Variants in PDE11A observed in about 807,000 individuals in gnomAD.
PDE11A encodes the protein dual 3',5'-cyclic-AMP and -GMP phosphodiesterase 11A.
In PDE11A, 100 loss-of-function variants were observed where a neutral mutation model predicts 100.5. The observed-to-expected ratio is 1.00, with a 90% CI of 0.85 to 1.18. PDE11A has a LOEUF of 1.18. PDE11A is among the 50% of genes most tolerant of loss of function. The pLI is 0.00. For synonymous variants in PDE11A, 381 were observed against 420.8 expected, an observed-to-expected ratio of 0.91 and a Z score of 1.16; for missense variants, 1,141 against 1,152.6, an observed-to-expected ratio of 0.99 and a Z score of 0.15.
At chr2:177,723,676 C>T (rs1188568715) in intron 12 of PDE11A, among the ~76,000 whole-genome samples, 1 of 152,040 alleles carries the variant, frequency 6.6e-6, no homozygotes, top group African/African-American at 2.4e-5. Context: ...TTCACTCATT[C>T]AATTAATCTT....
chr2:177,877,199 C>G (rs2084254352), intron 4 of PDE11A, among the ~76,000 whole-genome samples: 1 of 144,904 alleles, frequency 6.9e-6, no homozygotes, highest in East Asian at 1.9e-4. Flanking sequence ...GGTTCTCACT[C>G]TGTCGCACAG....
intron 12 of PDE11A, among the ~76,000 whole-genome samples, chr2:177,718,368 G>A (rs2081474550): frequency 1.3e-5 from 2 of 152,334 alleles, no homozygotes; most frequent in South Asian, 4.1e-4. Flanking sequence ...CTAAGTTGAG[G>A]TGTGGGTTCA....
chr2:177,904,880 C>T (rs951205805), intron 3 of PDE11A, among the ~76,000 whole-genome samples: 1 of 152,074 alleles, frequency 6.6e-6, no homozygotes, highest in Non-Finnish European at 1.5e-5. Context: ...GAAGCTTGTA[C>T]CCCTTCCCCC....
At chr2:177,656,526 GCTTA>G (rs10558072) in intron 19 of PDE11A, among the ~76,000 whole-genome samples, 5,238 of 152,278 alleles carry the variant, frequency 0.034, 301 homozygotes, top group African/African-American at 0.12. Flanking sequence ...GACATTATAA[GCTTA>G]CTTCATACAT....
chr2:177,813,832 C>G (rs6710818), intron 9 of PDE11A, among the ~76,000 whole-genome samples: 1 of 149,424 alleles, frequency 6.7e-6, no homozygotes, highest in Non-Finnish European at 1.5e-5. Flanking sequence ...TGTTGCTAAC[C>G]GGAAAAAAAA....
chr2:177,963,305 A>G (rs147527428), intron 2 of PDE11A, among the ~76,000 whole-genome samples: 1 of 152,308 alleles, frequency 6.6e-6, no homozygotes, highest in East Asian at 1.9e-4. Context: ...AACATCAACC[A>G]GAAACAGACC....
At chr2:178,010,895 A>C (rs73972662) in intron 2 of PDE11A, among the ~76,000 whole-genome samples, 3,831 of 152,326 alleles carry the variant, frequency 0.025, 149 homozygotes, top group African/African-American at 0.087. Context: ...CTTATAAAGA[A>C]ATATATTCCC....
intron 5 of PDE11A, among the ~76,000 whole-genome samples, chr2:177,845,520 G>A (rs1232736921): frequency 3.3e-5 from 5 of 151,700 alleles, no homozygotes; most frequent in South Asian, 2.1e-4. Flanking sequence ...GATGGCGGCC[G>A]GGCGGAGACG....
intron 4 of PDE11A, among the ~76,000 whole-genome samples, chr2:177,884,875 A>G (rs779469069): frequency 2.2e-4 from 33 of 152,216 alleles, no homozygotes; most frequent in Non-Finnish European, 2.9e-4. Context: ...GCAACAGATC[A>G]TAGACACAAG....
At position 177,629,465 on chromosome 2, in the gene PDE11A, G is replaced by A. The variant is rs201797877; in HGVS notation, c.2744C>T (p.Ala915Val). ...WEELHQKRLL[A>V]STASSSPASV... ...GGCAGGGGAGGATGAGGCAGTTGAG[G>A]CCAGCAGTCGTTTTTGGTGTAGCTC... Residue 915 changes from alanine (A) to valine (V), a missense_variant, in exon 20 of 20, where the codon GCC becomes GTC. By Grantham distance (64) the Ala-to-Val change is moderately conservative. Transcript: ENST00000286063. 15 of 1,613,902 alleles carry A rather than the reference G, an allele frequency of 9.3e-6. No homozygotes were observed. The highest frequency in any genetic ancestry group is 1.2e-5 in the Non-Finnish European group (14 of 1,179,800).
intron 2 of PDE11A, among the ~76,000 whole-genome samples, chr2:177,991,687 A>T (rs972456951): frequency 2.6e-5 from 4 of 151,236 alleles, no homozygotes; most frequent in African/African-American, 9.7e-5. Flanking sequence ...ATGAAAATAT[A>T]TATACTCTTT....
intron 9 of PDE11A, among the ~76,000 whole-genome samples, chr2:177,803,005 A>G (rs1168307658): frequency 3.3e-5 from 5 of 151,930 alleles, no homozygotes; most frequent in African/African-American, 7.2e-5. Flanking sequence ...CTTTTTTTAT[A>G]TAGTAAGAAA....
intron 3 of PDE11A, among the ~76,000 whole-genome samples, chr2:177,904,078 G>T (rs894924969): frequency 7.9e-5 from 12 of 152,040 alleles, no homozygotes; most frequent in Admixed American, 3.3e-4. Context: ...ATTAATTAGG[G>T]TTTCAAACCT....
intron 2 of PDE11A, among the ~76,000 whole-genome samples, chr2:178,102,391 C>G (rs2087569779): frequency 6.8e-6 from 1 of 146,298 alleles, no homozygotes; most frequent in African/African-American, 2.5e-5. Flanking sequence ...TCCCAAAGTG[C>G]TGGGATTACA....
chr2:177,945,129 G>C (rs953997961), intron 2 of PDE11A, among the ~76,000 whole-genome samples: 17 of 151,168 alleles, frequency 1.1e-4, no homozygotes, highest in African/African-American at 4.1e-4. Flanking sequence ...GTGCTCAATG[G>C]TGCCCAGGCT....
At chr2:177,979,900 G>A (rs1242973331) in intron 2 of PDE11A, among the ~76,000 whole-genome samples, 2 of 150,172 alleles carry the variant, frequency 1.3e-5, no homozygotes, top group Non-Finnish European at 1.5e-5. Flanking sequence ...GTGAGCCACC[G>A]CGCCCGGCAG....
chr2:177,705,057 G>A (rs1010622249), intron 13 of PDE11A, among the ~76,000 whole-genome samples: 1 of 152,094 alleles, frequency 6.6e-6, no homozygotes, highest in South Asian at 2.1e-4. Context: ...GGCCAGGCTG[G>A]TCTCGAACTC....
At chr2:178,101,433 T>A (rs1439201261) in intron 2 of PDE11A, among the ~76,000 whole-genome samples, 1 of 152,156 alleles carries the variant, frequency 6.6e-6, no homozygotes. Flanking sequence ...AGAGTTCCAG[T>A]TGAAAGTGTC....
intron 2 of PDE11A, among the ~76,000 whole-genome samples, chr2:178,097,855 A>T (rs2105887232): frequency 6.6e-6 from 1 of 152,374 alleles, no homozygotes; most frequent in Admixed American, 6.5e-5. Context: ...CCCAAGTAAG[A>T]TTTTTAAAAA....
Sources: gnomAD v4.1 joint callset for allele counts (sites outside exome capture counted in the v4.1 genomes callset) on GRCh38, gnomAD v4.1.1 for gene constraint, MANE v1.5 for transcripts, NCBI Gene and HGNC (gene_info 2026-07-23, HGNC 2026-07-21) for gene names.